The following RBFOX1 variants were observed in gnomAD, a reference collection of about 807,000 sequenced individuals.
RBFOX1 encodes the protein RNA binding protein fox-1 homolog 1.
Under a neutral mutation model 57.7 loss-of-function variants are expected in RBFOX1, and 8 were observed. That is an observed-to-expected ratio of 0.14 (90% CI 0.08 to 0.25). RBFOX1 has a LOEUF of 0.25. Among genes scored for constraint, RBFOX1 ranks in the 10% least tolerant of loss-of-function variants. The pLI, the probability that RBFOX1 is intolerant of heterozygous loss-of-function variation, is 1.00. For synonymous variants in RBFOX1, 326 were observed against 222.4 expected (o/e 1.47, Z -4.15); for missense variants, 611 against 548.5 (o/e 1.11, Z -1.14).
chr16:5,765,192 C>G (rs936774583), intron 3 of RBFOX1, among the ~76,000 whole-genome samples: 4 of 152,174 alleles, frequency 2.6e-5, no homozygotes, highest in African/African-American at 9.6e-5. Flanking sequence ...AAAGAATACA[C>G]ATATCCTCTC....
At chr16:6,204,414 T>A (rs2097239468) in intron 1 of RBFOX1, among the ~76,000 whole-genome samples, 1 of 152,208 alleles carries the variant, frequency 6.6e-6, no homozygotes, top group African/African-American at 2.4e-5. Flanking sequence ...TATGTTTTTT[T>A]CTAGAAGGGC....
intron 1 of RBFOX1, among the ~76,000 whole-genome samples, chr16:5,265,560 A>G (rs1167317950): frequency 3.3e-5 from 5 of 152,220 alleles, no homozygotes; most frequent in Admixed American, 2.0e-4. Flanking sequence ...GTTCAAATAA[A>G]AGAAAATTGA....
At chr16:5,528,201 C>T (rs1320783238) in intron 2 of RBFOX1, among the ~76,000 whole-genome samples, 1 of 152,094 alleles carries the variant, frequency 6.6e-6, no homozygotes, top group Non-Finnish European at 1.5e-5. Context: ...CGTGAGCTTC[C>T]TTGACGATGA....
At chr16:7,628,609 T>G (rs1448366174) in intron 10 of RBFOX1, among the ~76,000 whole-genome samples, 4 of 152,092 alleles carry the variant, frequency 2.6e-5, no homozygotes, top group Admixed American at 2.6e-4. Flanking sequence ...ATCTCATACG[T>G]TGTGATAAAC....
intron 4 of RBFOX1, among the ~76,000 whole-genome samples, chr16:7,140,740 C>G (rs890266873): frequency 1.3e-5 from 2 of 152,082 alleles, no homozygotes; most frequent in African/African-American, 4.8e-5. Flanking sequence ...GAGACGGAGA[C>G]TTGAATGAGG....
At chr16:6,692,188 A>T (rs1379523066) in intron 3 of RBFOX1, among the ~76,000 whole-genome samples, 1 of 152,212 alleles carries the variant, frequency 6.6e-6, no homozygotes, top group Non-Finnish European at 1.5e-5. Context: ...AACTATAAAG[A>T]TTACTTTGTT....
intron 4 of RBFOX1, among the ~76,000 whole-genome samples, chr16:5,890,153 G>A (rs8045242): frequency 0.27 from 41,418 of 152,000 alleles, 5,822 homozygotes; most frequent in South Asian, 0.43. Flanking sequence ...GATGAGACCT[G>A]GCTTCAGATC....
intron 1 of RBFOX1, among the ~76,000 whole-genome samples, chr16:6,170,078 C>A (rs547394688): frequency 3.4e-4 from 51 of 152,194 alleles, no homozygotes; most frequent in Non-Finnish European, 7.2e-4. Context: ...AGTTAGGTTG[C>A]GGTTTGTCCA....
rs914694258 is a variant in RBFOX1, at chr16:6,801,960, T to A, written c.-16+147310T>A. On this transcript the variant is annotated intron_variant, in intron 3 of 15. Transcript: ENST00000550418. ...TAAATTTAATCTAAATGGGTCTAGG[T>A]GCTGGGGTGATTACCCTTATCTTGT... Among the ~76,000 whole-genome samples the A allele has an allele frequency of 2.0e-5, 3 of 152,058 alleles. 1 individual carries two copies. Among genetic ancestry groups the A allele is most frequent in the Admixed American group, 1.3e-4 (2 of 15,254 alleles).
At chr16:5,762,094 A>AT (rs780117325) in intron 3 of RBFOX1, among the ~76,000 whole-genome samples, 4 of 152,118 alleles carry the variant, frequency 2.6e-5, no homozygotes, top group Non-Finnish European at 4.4e-5. Context: ...GAATAAATGA[A>AT]TTTTCCTGCA....
chr16:5,410,491 G>C (rs1247183990), intron 1 of RBFOX1, among the ~76,000 whole-genome samples: 1 of 152,204 alleles, frequency 6.6e-6, no homozygotes, highest in Non-Finnish European at 1.5e-5. Flanking sequence ...ATTTCGTCTT[G>C]CTTCATTCTA....
At chr16:6,229,331 C>T (rs2097440848) in intron 1 of RBFOX1, among the ~76,000 whole-genome samples, 1 of 152,248 alleles carries the variant, frequency 6.6e-6, no homozygotes, top group Admixed American at 6.5e-5. Flanking sequence ...ACCAGTTCCT[C>T]TGCACGCAGT....
intron 3 of RBFOX1, among the ~76,000 whole-genome samples, chr16:6,658,387 T>G (rs887158350): frequency 1.3e-5 from 2 of 151,970 alleles, no homozygotes; most frequent in Admixed American, 1.3e-4. Context: ...TTTTGTATTC[T>G]TAGTAGAGGT....
At chr16:6,278,376 C>CCAAAA (rs2076046631) in intron 1 of RBFOX1, among the ~76,000 whole-genome samples, 1 of 31,764 alleles carries the variant, frequency 3.1e-5, no homozygotes, top group African/African-American at 1.9e-4. Context: ...GTAGGACTCA[C>CCAAAA]CAAAAAAAAA....
intron 3 of RBFOX1, among the ~76,000 whole-genome samples, chr16:6,937,047 C>T (rs1296117819): frequency 6.6e-6 from 1 of 151,802 alleles, no homozygotes; most frequent in East Asian, 1.9e-4. Context: ...ACGTATGTAA[C>T]TAACCTGCAC....
intron 2 of RBFOX1, among the ~76,000 whole-genome samples, chr16:6,648,096 G>A (rs1365175868): frequency 1.3e-5 from 2 of 152,118 alleles, no homozygotes; most frequent in Non-Finnish European, 2.9e-5. Context: ...ACCTGCCTTG[G>A]CCTCCCAAAG....
At chr16:5,280,646 C>T (rs1429536066) in intron 1 of RBFOX1, among the ~76,000 whole-genome samples, 1 of 152,152 alleles carries the variant, frequency 6.6e-6, no homozygotes. Flanking sequence ...CTGTTTCTTC[C>T]TAGTTCAATC....
At chr16:5,784,863 A>T (rs370182399) in intron 3 of RBFOX1, among the ~76,000 whole-genome samples, 13 of 152,184 alleles carry the variant, frequency 8.5e-5, no homozygotes, top group African/African-American at 2.9e-4. Flanking sequence ...CCAGACACTG[A>T]ATCTCCCGGT....
intron 3 of RBFOX1, among the ~76,000 whole-genome samples, chr16:5,663,063 G>T (rs1053976271): frequency 2.0e-5 from 3 of 152,170 alleles, no homozygotes; most frequent in Non-Finnish European, 4.4e-5. Flanking sequence ...CACATCTGGG[G>T]CAGGGAGTGT....
Sources: gnomAD v4.1 joint callset for allele counts (sites outside exome capture counted in the v4.1 genomes callset) on GRCh38, gnomAD v4.1.1 for gene constraint, MANE v1.5 for transcripts, NCBI Gene and HGNC (gene_info 2026-07-23, HGNC 2026-07-21) for gene names.